Variants in ADAMTSL1 observed in about 807,000 individuals in gnomAD.
ADAMTSL1 encodes ADAMTS like 1, also known as ADAMTS-like protein 1.
ADAMTSL1 carries 126 observed loss-of-function variants against 201.8 expected under a neutral mutation model. The observed-to-expected ratio is 0.62, with a 90% confidence interval of 0.54 to 0.72. ADAMTSL1 has a LOEUF of 0.72. Ranked by LOEUF, ADAMTSL1 falls within the 30% of genes least tolerant of loss-of-function variation. The pLI is 0.00. For synonymous variants in ADAMTSL1, 1,121 were observed against 903.4 expected (o/e 1.24, Z -4.32); for missense variants, 2,679 against 2,277.8 (o/e 1.18, Z -3.59).
chr9:18,172,475 C>G (rs143163417), intron 2 of ADAMTSL1, among the ~76,000 whole-genome samples: 1 of 151,986 alleles, frequency 6.6e-6, no homozygotes, highest in Non-Finnish European at 1.5e-5. Context: ...AAAGGACCAA[C>G]GAAGGCAGTT....
At chr9:18,101,545 T>C (rs1824523571) in intron 1 of ADAMTSL1, among the ~76,000 whole-genome samples, 1 of 151,966 alleles carries the variant, frequency 6.6e-6, no homozygotes, top group Non-Finnish European at 1.5e-5. Context: ...ATTATGTTTC[T>C]GGAAAAGTTT....
intron 1 of ADAMTSL1, among the ~76,000 whole-genome samples, chr9:18,160,628 G>C (rs1303416794): frequency 3.3e-5 from 5 of 151,478 alleles, no homozygotes; most frequent in Non-Finnish European, 7.4e-5. Context: ...TGGGAATCCT[G>C]GTCTGAGCAT....
At chr9:17,983,083 T>TTTTTTTTTTTTTTTTA (rs1818785008) in intron 1 of ADAMTSL1, among the ~76,000 whole-genome samples, 1 of 141,054 alleles carries the variant, frequency 7.1e-6, no homozygotes, top group African/African-American at 2.6e-5. Flanking sequence ...TTTCTTTTTT[T>TTTTTTTTTTTTTTTTA]TTTTTGAGAC....
At chr9:18,066,895 C>A (rs570616453) in intron 1 of ADAMTSL1, among the ~76,000 whole-genome samples, 2 of 152,070 alleles carry the variant, frequency 1.3e-5, no homozygotes, top group Admixed American at 6.5e-5. Flanking sequence ...GAACAAAAAA[C>A]CAAACACCGC....
chr9:18,892,645 G>A, intron 26 of ADAMTSL1, 49 bp downstream of exon 26: 1 of 1,531,264 alleles, frequency 6.5e-7, no homozygotes, highest in Non-Finnish European at 8.8e-7. Flanking sequence ...TAAAGGAATG[G>A]ACCCTGCCAC....
intron 4 of ADAMTSL1, among the ~76,000 whole-genome samples, chr9:18,603,341 ATATGCTATGC>A (rs5896789): frequency 0.34 from 39,733 of 118,284 alleles, 6,592 homozygotes; most frequent in East Asian, 0.59. Context: ...CTCCAAAGCT[ATATGCTATGC>A]TATGCTATGC....
At chr9:18,506,826 G>A (rs1008118267) in intron 2 of ADAMTSL1, among the ~76,000 whole-genome samples, 32 of 151,980 alleles carry the variant, frequency 2.1e-4, no homozygotes, top group African/African-American at 7.5e-4. Flanking sequence ...AAAATGGGGC[G>A]GAGGTTGACT....
intron 2 of ADAMTSL1, among the ~76,000 whole-genome samples, chr9:18,413,825 G>T (rs1043041863): frequency 3.9e-5 from 6 of 152,128 alleles, no homozygotes. Flanking sequence ...AATTATTTGA[G>T]ACATGTTTAT....
chr9:18,620,670 G>A (rs1825981663), intron 4 of ADAMTSL1, among the ~76,000 whole-genome samples: 1 of 152,124 alleles, frequency 6.6e-6, no homozygotes, highest in South Asian at 2.1e-4. Context: ...TTTCTGAAGT[G>A]GCCTCACTGC....
At chr9:18,785,562 G>A (rs1363604297) in intron 19 of ADAMTSL1, among the ~76,000 whole-genome samples, 1 of 152,172 alleles carries the variant, frequency 6.6e-6, no homozygotes, top group Non-Finnish European at 1.5e-5. Context: ...TAGAGACCTA[G>A]ACCACAGGCA....
chr9:18,708,622 C>T (rs1022892564), intron 14 of ADAMTSL1, among the ~76,000 whole-genome samples: 4 of 152,212 alleles, frequency 2.6e-5, no homozygotes, highest in Admixed American at 6.5e-5. Flanking sequence ...ACAGTTGCTT[C>T]TTTCCAACAT....
At chr9:17,951,135 G>A (rs954675173) in intron 1 of ADAMTSL1, among the ~76,000 whole-genome samples, 4 of 152,038 alleles carry the variant, frequency 2.6e-5, no homozygotes, top group South Asian at 2.1e-4. Context: ...AGATGAACTC[G>A]CCTAGAGCAC....
At chr9:18,721,849 A>G (rs145186476) in intron 15 of ADAMTSL1, among the ~76,000 whole-genome samples, 184 bp downstream of exon 15, 2,723 of 152,370 alleles carry the variant, frequency 0.018, 38 homozygotes, top group Non-Finnish European at 0.026. Context: ...ATTCTAGCCC[A>G]GTCAATGGTC....
At chr9:17,985,192 TAAA>T (rs1231760309) in intron 1 of ADAMTSL1, among the ~76,000 whole-genome samples, 1 of 152,120 alleles carries the variant, frequency 6.6e-6, no homozygotes, top group Non-Finnish European at 1.5e-5. Context: ...GGATGGTTAA[TAAA>T]AAAGTTTTTC....
intron 1 of ADAMTSL1, among the ~76,000 whole-genome samples, chr9:18,494,718 A>G (rs895276779): frequency 9.9e-5 from 15 of 152,174 alleles, no homozygotes; most frequent in African/African-American, 3.6e-4. Flanking sequence ...ATGGCTCTTC[A>G]CCTTTTTTGA....
rs142453160 is a variant in ADAMTSL1 at position 18,766,922 on chromosome 9, A to C, written c.2218-3680A>C. On this transcript the variant is annotated intron_variant, in intron 16 of 28. Coordinates refer to ENST00000380548, the MANE Select transcript of ADAMTSL1 (RefSeq NM_001040272.6). ...ACCAATAAAAGGCAAGAGATGATGG[A>C]TTATGGTATGCTGATTTCTTATTTA... Among the ~76,000 whole-genome samples the C allele has an allele frequency of 2.7e-3, 415 of 152,296 alleles. 5 individuals are homozygous for C. The highest frequency in any genetic ancestry group is 0.014 in the Middle Eastern group (4 of 294).
intron 1 of ADAMTSL1, among the ~76,000 whole-genome samples, chr9:18,113,476 G>T (rs1825117036): frequency 6.6e-6 from 1 of 152,100 alleles, no homozygotes; most frequent in African/African-American, 2.4e-5. Flanking sequence ...AAGGTCCAGG[G>T]TCCTGGCTTG....
chr9:18,688,831 A>C (rs1203989102), intron 13 of ADAMTSL1, among the ~76,000 whole-genome samples: 1 of 150,058 alleles, frequency 6.7e-6, no homozygotes, highest in Non-Finnish European at 1.5e-5. Flanking sequence ...GTTGAGGTAG[A>C]CTTCTACAAT....
chr9:18,678,467 A>C lies in ADAMTSL1; in HGVS notation c.1137-1845A>C, dbSNP rs138515443. Among the ~76,000 whole-genome samples, 9 of 152,288 alleles carry C rather than the reference A, an allele frequency of 5.9e-5. No individual in the cohort carries two copies. In the East Asian group the frequency reaches 1.7e-3, roughly 29 times the overall value. On this transcript the variant is annotated intron_variant, in intron 10 of 28. Transcript: ENST00000380548. ...TTTCTACGCATAGAACTGTAGTTGT[A>C]TGCTGGGACCATAGTATAAATTTTT... is the stretch of plus-strand genomic sequence containing the variant.
Sources: allele counts gnomAD v4.1 joint callset (sites outside exome capture counted in the v4.1 genomes callset), GRCh38; gene constraint gnomAD v4.1.1; transcripts MANE v1.5; gene names NCBI Gene and HGNC (gene_info 2026-07-23, HGNC 2026-07-21).